The following CFAP206 variants were observed in gnomAD, a reference collection of about 807,000 sequenced individuals.
The protein encoded by CFAP206 is cilia- and flagella-associated protein 206.
A neutral mutation model predicts 65.4 loss-of-function variants in CFAP206; 53 were observed. That is an observed-to-expected ratio of 0.81 (90% CI 0.65 to 1.02). The LOEUF (loss-of-function observed/expected upper bound fraction) is 1.02, where lower values mean the gene tolerates loss of function less well. CFAP206 is among the 50% of genes least tolerant of loss of function. The probability of loss-of-function intolerance (pLI) is 0.00; values close to 1 mark genes in which losing one functional copy is unlikely to be tolerated. For missense variants in CFAP206, 663 were observed against 753.2 expected (o/e 0.88, Z 1.40); for synonymous variants, 250 against 254.4 (o/e 0.98, Z 0.17).
In CFAP206 at chr6:87,415,506, C is replaced by T. The variant is rs139813127; in HGVS notation, c.284-180C>T. 1.7e-3 allele frequency: 1,131 copies of T among 678,968 alleles called. 11 individuals carry two copies. In the African/African-American group the frequency reaches 0.018, roughly 11 times the overall value. The allele number at this position is 678,968 out of a possible 1,614,324, so 42.1% of individuals were successfully genotyped here. A position where few individuals can be genotyped will look rare whatever the true frequency, so the allele number is the denominator to read the frequency against. On this transcript the variant is annotated intron_variant, in intron 4 of 12. Coordinates refer to ENST00000369562, the MANE Select transcript of CFAP206 (RefSeq NM_001031743.3). ...AAGTCACTGTAATAAATCTTCCCTC[C>T]TGGATTTTTGTCTTGAGGCTACATG...
rs968021002 is a variant in CFAP206, at chr6:87,463,955, T to C, written c.1639-65T>C. 31 of 1,286,334 alleles carry C rather than the reference T, an allele frequency of 2.4e-5. No individual in the cohort carries two copies. The African/African-American group carries it at 4.1e-4, about 17-fold the overall frequency. The allele number at this position is 1,286,334 out of a possible 1,614,324, so 79.7% of individuals were successfully genotyped here. On this transcript the variant is annotated intron_variant, in intron 12 of 12. Coordinates refer to ENST00000369562, the MANE Select transcript of CFAP206 (RefSeq NM_001031743.3). ...AAATAGGCAGATATTAACTGGTATC[T>C]GATAATATTTTATGTTATTTGTTCT...
At chr6:87,411,384 T>C (rs1009902862) in intron 3 of CFAP206, among the ~76,000 whole-genome samples, 1 of 152,214 alleles carries the variant, frequency 6.6e-6, no homozygotes, top group African/African-American at 2.4e-5. Flanking sequence ...ATGGGGTTAT[T>C]TGTTGTTGTC....
Position 87,450,171 on chromosome 6 carries a change from T to A in CFAP206, c.1495-10851T>A, listed in dbSNP as rs187359451. Among the ~76,000 whole-genome samples, 100 of 152,272 alleles carry A rather than the reference T, an allele frequency of 6.6e-4. 1 individual carries two copies. Among genetic ancestry groups the A allele is most frequent in the African/African-American group, 2.4e-3 (99 of 41,550 alleles). On this transcript the variant is annotated intron_variant, in intron 11 of 12. Transcript: ENST00000369562. Reference sequence around the variant, plus strand: ...TTCTGGGTTCTGTATTCTATTCTATTAGTCTCTGTGTTTTTATGCGAATAC... The same window carrying A: ...TTCTGGGTTCTGTATTCTATTCTATAAGTCTCTGTGTTTTTATGCGAATAC...
rs780896718 is a variant in CFAP206 at position 87,464,253 on chromosome 6, A to G, written c.*3A>G. 2 of 1,608,522 alleles carry G rather than the reference A, an allele frequency of 1.2e-6. No individual in the cohort carries two copies. The highest frequency in any genetic ancestry group is 3.3e-4 in the Middle Eastern group (2 of 6,050). On this transcript the variant is annotated 3_prime_UTR_variant, in exon 13 of 13. Coordinates refer to ENST00000369562, the MANE Select transcript of CFAP206 (RefSeq NM_001031743.3). ...CTAGAGATGTGGATGAAACCTAATT[A>G]CAGACAACGTTTTAAAATAGATGCT...
chr6:87,463,751 C>A (rs563167436), intron 12 of CFAP206, among the ~76,000 whole-genome samples: 2 of 152,004 alleles, frequency 1.3e-5, no homozygotes, highest in African/African-American at 4.8e-5. Flanking sequence ...TAATAAATAA[C>A]TGGTTGAGTT....
chr6:87,444,683 A>G (rs1424624906), intron 11 of CFAP206: 1 of 348,320 alleles, frequency 2.9e-6, no homozygotes, highest in Non-Finnish European at 5.5e-6. Flanking sequence ...GGGCTCTCTC[A>G]TGCTCTTTTC....
At chr6:87,415,065 A>G (rs1303233969) in intron 4 of CFAP206, among the ~76,000 whole-genome samples, 1 of 152,186 alleles carries the variant, frequency 6.6e-6, no homozygotes, top group East Asian at 1.9e-4. Context: ...GCAACAACTC[A>G]GGGAACATAG....
In CFAP206 at chr6:87,415,831, C is replaced by G; in HGVS notation, c.429C>G (p.Gly143=). 6.2e-7 allele frequency: 1 copy of G among 1,609,688 alleles called. No individual in the cohort carries two copies. Among genetic ancestry groups the G allele is most frequent in the Middle Eastern group, 1.7e-4 (1 of 6,042 alleles). ...KIISYVLLRS[G]LGSPTDIKTV... is the part of the protein sequence containing the mutation. ...TCAGCTATGTGTTACTCCGCTCTGGCCTTGGATCCCCTACAGACATCAAGA... is the reference window on the plus strand; with the variant it reads ...TCAGCTATGTGTTACTCCGCTCTGGGCTTGGATCCCCTACAGACATCAAGA... The change falls in exon 5 of 13, where the codon GGC becomes GGG. Residue 143 remains glycine, a synonymous_variant. Coordinates refer to ENST00000369562, the MANE Select transcript of CFAP206 (RefSeq NM_001031743.3).
Position 87,459,790 on chromosome 6 carries a change from C to T in CFAP206, c.1495-1232C>T, listed in dbSNP as rs375726745. ...AGGACAGTGAAAGGCTAGAATCAGA[C>T]GACTGGAAAGGTATGTTGTATGTGG... On this transcript the variant is annotated intron_variant, in intron 11 of 12. Transcript: ENST00000369562. Among the ~76,000 whole-genome samples the T allele has an allele frequency of 1.1e-4, 16 of 152,286 alleles. No individual in the cohort carries two copies. In the East Asian group the frequency reaches 1.5e-3, roughly 15 times the overall value.
intron 11 of CFAP206, among the ~76,000 whole-genome samples, chr6:87,439,448 T>G (rs1768328955): frequency 6.6e-6 from 1 of 152,060 alleles, no homozygotes; most frequent in Non-Finnish European, 1.5e-5. Context: ...TTTTCAAAAT[T>G]GTATTTTGCT....
At chr6:87,410,524 G>A in intron 2 of CFAP206, 61 bp from the exon 3 acceptor site, 1 of 1,203,974 alleles carries the variant, frequency 8.3e-7, no homozygotes, top group East Asian at 2.3e-5. Flanking sequence ...CTAATAATAT[G>A]AAATAAAATT....
intron 11 of CFAP206, among the ~76,000 whole-genome samples, chr6:87,458,835 CATG>C (rs1768695323): frequency 6.6e-6 from 1 of 152,200 alleles, no homozygotes; most frequent in Admixed American, 6.5e-5. Flanking sequence ...CATAACAAGA[CATG>C]ATGACTGTTT....
chr6:87,433,887 G>A (rs1281995018), intron 10 of CFAP206, among the ~76,000 whole-genome samples: 1 of 151,530 alleles, frequency 6.6e-6, no homozygotes, highest in Non-Finnish European at 1.5e-5. Flanking sequence ...ATCACCTGAG[G>A]TCAGGAGTTC....
intron 11 of CFAP206, among the ~76,000 whole-genome samples, chr6:87,445,769 G>A (rs1282026520): frequency 6.6e-6 from 1 of 152,144 alleles, no homozygotes; most frequent in Non-Finnish European, 1.5e-5. Flanking sequence ...CTAAGTCTTT[G>A]AGGAATCACC....
intron 10 of CFAP206, among the ~76,000 whole-genome samples, chr6:87,434,299 G>A (rs1562247923): frequency 6.6e-6 from 1 of 151,976 alleles, no homozygotes; most frequent in African/African-American, 2.4e-5. Context: ...GGGAGGGTAA[G>A]GCAGGAGGAT....
intron 11 of CFAP206, among the ~76,000 whole-genome samples, chr6:87,448,266 T>C (rs1768479553): frequency 6.6e-6 from 1 of 152,184 alleles, no homozygotes; most frequent in Non-Finnish European, 1.5e-5. Context: ...GCAATCCTCC[T>C]GCCTTGGCCT....
At chr6:87,463,628 T>G (rs886135546) in intron 12 of CFAP206, among the ~76,000 whole-genome samples, 4 of 152,196 alleles carry the variant, frequency 2.6e-5, no homozygotes, top group Non-Finnish European at 5.9e-5. Context: ...AAGTCCATTT[T>G]TAAAAGATAA....
intron 8 of CFAP206, among the ~76,000 whole-genome samples, chr6:87,428,188 A>G (rs1302029892): frequency 1.3e-5 from 2 of 151,544 alleles, no homozygotes; most frequent in Non-Finnish European, 2.9e-5. Flanking sequence ...GGGTTTTGCC[A>G]TGTTGGCCAG....
intron 11 of CFAP206, chr6:87,445,009 T>C: frequency 1.9e-6 from 1 of 521,000 alleles, no homozygotes; most frequent in Non-Finnish European, 3.8e-6. Context: ...AGACACTGGC[T>C]CTCTTTGGCA....
Sources: allele counts gnomAD v4.1 joint callset (sites outside exome capture counted in the v4.1 genomes callset), GRCh38; gene constraint gnomAD v4.1.1; transcripts MANE v1.5; gene names NCBI Gene and HGNC (gene_info 2026-07-23, HGNC 2026-07-21).